PPM1L: variants seen among roughly 807,000 people sequenced by gnomAD.
PPM1L encodes protein phosphatase 1L.
Under a neutral mutation model 31.4 loss-of-function variants are expected in PPM1L, and 13 were observed. That is an observed-to-expected ratio of 0.41 (90% CI 0.27 to 0.66). The LOEUF (loss-of-function observed/expected upper bound fraction) is 0.66, where lower values mean the gene tolerates loss of function less well. Among genes scored for constraint, PPM1L ranks in the 30% least tolerant of loss-of-function variants. The pLI is 0.29. For synonymous variants in PPM1L, 184 were observed against 175.4 expected (o/e 1.05, Z -0.39); for missense variants, 326 against 453.7 (o/e 0.72, Z 2.56).
At chr3:160,872,698 G>T (rs1038146609) in intron 1 of PPM1L, among the ~76,000 whole-genome samples, 1 of 152,082 alleles carries the variant, frequency 6.6e-6, no homozygotes, top group Non-Finnish European at 1.5e-5. Flanking sequence ...AGGCTGAGGC[G>T]GGTGGATCAT....
At chr3:161,045,271 C>G (rs1162675658) in intron 2 of PPM1L, among the ~76,000 whole-genome samples, 2 of 152,206 alleles carry the variant, frequency 1.3e-5, no homozygotes, top group Admixed American at 1.3e-4. Flanking sequence ...ACCAATGGAC[C>G]TGATAGACAT....
chr3:160,913,812 T>C (rs1286843169), intron 1 of PPM1L, among the ~76,000 whole-genome samples: 1 of 152,162 alleles, frequency 6.6e-6, no homozygotes, highest in African/African-American at 2.4e-5. Flanking sequence ...TGATGGACAT[T>C]TGAGTTGTTT....
At chr3:160,862,795 G>A (rs1162015997) in intron 1 of PPM1L, among the ~76,000 whole-genome samples, 1 of 151,742 alleles carries the variant, frequency 6.6e-6, no homozygotes, top group Non-Finnish European at 1.5e-5. Flanking sequence ...TAGGAGAGTA[G>A]GGGGGAAAAA....
At position 160,860,097 on chromosome 3, in the gene PPM1L, A is replaced by G. The variant is rs141298133; in HGVS notation, c.400-101639A>G. Among the ~76,000 whole-genome samples, 88 of 152,348 alleles carry G rather than the reference A, an allele frequency of 5.8e-4. No homozygotes were observed. The East Asian group carries it at 0.012, about 21-fold the overall frequency. On this transcript the variant is annotated intron_variant, in intron 1 of 3. Transcript: ENST00000498165. Reference sequence around the variant, plus strand: ...TTAGTGAGTGTCATTGGTGATTTGTAGAAGAAGCAACAGACTGGGAAACAT... The same window carrying G: ...TTAGTGAGTGTCATTGGTGATTTGTGGAAGAAGCAACAGACTGGGAAACAT...
chr3:161,017,889 C>T (rs765588330), intron 2 of PPM1L, among the ~76,000 whole-genome samples: 9 of 152,004 alleles, frequency 5.9e-5, no homozygotes, highest in Non-Finnish European at 1.3e-4. Flanking sequence ...CTGCTTTACT[C>T]CAATGAAGTA....
At chr3:160,786,153 C>CTGTGTGTG (rs775015539) in intron 1 of PPM1L, among the ~76,000 whole-genome samples, 1,136 of 73,698 alleles carry the variant, frequency 0.015, 16 homozygotes, top group Non-Finnish European at 0.019. Context: ...CTCTCTCTCT[C>CTGTGTGTG]TCTCTGTGTG....
rs905344184 is a variant in PPM1L, at chr3:161,073,875, T to C, written c.*4718T>C. 1 of 152,226 alleles carries C rather than the reference T, an allele frequency of 6.6e-6. No homozygotes were observed. The highest frequency in any genetic ancestry group is 2.4e-5 in the African/African-American group (1 of 41,466). 9.4% of individuals were successfully genotyped at this position (152,226 alleles called of 1,614,324 possible). Reference sequence around the variant, plus strand: ...TGCACCCGGCCATCCCTTTCTTTTATATGAATAATGAGCAAGAGCCCTGCC... The same window carrying C: ...TGCACCCGGCCATCCCTTTCTTTTACATGAATAATGAGCAAGAGCCCTGCC... On this transcript the variant is annotated 3_prime_UTR_variant, in exon 4 of 4. Transcript: ENST00000498165.
chr3:160,808,109 T>C (rs1028681576), intron 1 of PPM1L, among the ~76,000 whole-genome samples: 2 of 152,244 alleles, frequency 1.3e-5, no homozygotes, highest in African/African-American at 4.8e-5. Flanking sequence ...TCACATTGCC[T>C]GTTTATCTTA....
intron 1 of PPM1L, among the ~76,000 whole-genome samples, chr3:160,936,752 G>C (rs1247082822): frequency 6.6e-6 from 1 of 152,172 alleles, no homozygotes; most frequent in African/African-American, 2.4e-5. Flanking sequence ...TTTTAGGAGA[G>C]TTTAATCCAT....
At chr3:161,013,417 A>G (rs562652185) in intron 2 of PPM1L, among the ~76,000 whole-genome samples, 2 of 152,150 alleles carry the variant, frequency 1.3e-5, no homozygotes, top group East Asian at 1.9e-4. Context: ...GTTCTTTTAC[A>G]TTTGCTGAGG....
In PPM1L at chr3:160,991,105, CA is replaced by C. The variant is rs368961094; in HGVS notation, c.574+29202del. Among the ~76,000 whole-genome samples the C allele has an allele frequency of 3.0e-3, 453 of 148,792 alleles. 3 individuals carry two copies. Among genetic ancestry groups the C allele is most frequent in the African/African-American group, 0.011 (440 of 40,590 alleles). The stretch of plus-strand genomic sequence containing the variant: ...AAAAAAAAAAAAAAGAAAAAAATCA[CA>C]AAAAAATCTCACAGTGTTTTAAGAA... On this transcript the variant is annotated intron_variant, in intron 2 of 3. Coordinates refer to ENST00000498165, the MANE Select transcript of PPM1L (RefSeq NM_139245.4).
intron 1 of PPM1L, among the ~76,000 whole-genome samples, chr3:160,913,491 C>T (rs1015285341): frequency 4.6e-5 from 7 of 152,120 alleles, no homozygotes; most frequent in African/African-American, 1.7e-4. Flanking sequence ...TGTATAAATA[C>T]CACCACTATC....
chr3:160,944,717 ATGT>A (rs1464175857), intron 1 of PPM1L, among the ~76,000 whole-genome samples: 1 of 126,070 alleles, frequency 7.9e-6, no homozygotes, highest in African/African-American at 2.7e-5. Context: ...TATAATATAT[ATGT>A]TATATATAAC....
intron 2 of PPM1L, among the ~76,000 whole-genome samples, chr3:161,041,254 GC>G (rs1409857586): frequency 6.6e-6 from 1 of 152,046 alleles, no homozygotes; most frequent in Non-Finnish European, 1.5e-5. Context: ...CACTGGCCCC[GC>G]CCTGGCTTTG....
At chr3:161,019,220 G>T (rs1718171736) in intron 2 of PPM1L, among the ~76,000 whole-genome samples, 1 of 152,314 alleles carries the variant, frequency 6.6e-6, no homozygotes, top group African/African-American at 2.4e-5. Context: ...TAGGAACAAG[G>T]TCTCATTCTG....
intron 1 of PPM1L, among the ~76,000 whole-genome samples, chr3:160,783,091 C>T (rs886426620): frequency 1.3e-5 from 2 of 152,154 alleles, no homozygotes; most frequent in Non-Finnish European, 2.9e-5. Flanking sequence ...AACTGTTTAT[C>T]ATCAAAGAAG....
chr3:160,786,629 G>T (rs1711941941), intron 1 of PPM1L, among the ~76,000 whole-genome samples: 1 of 149,840 alleles, frequency 6.7e-6, no homozygotes, highest in Non-Finnish European at 1.5e-5. Flanking sequence ...GGGGGTACCT[G>T]TATAGGTTTG....
intron 2 of PPM1L, among the ~76,000 whole-genome samples, chr3:161,060,437 A>G (rs138791395): frequency 3.3e-4 from 50 of 152,302 alleles, no homozygotes; most frequent in African/African-American, 1.0e-3. Context: ...TCTCACCTGG[A>G]CTACTGAAAT....
In PPM1L at chr3:160,842,143, G is replaced by A; in HGVS notation, c.399+85436G>A. ...AGGGTTTCAGAAGGAGAGAGATTTT[G>A]TGTGCGTGCATCCTGAAATAGTTGG... On this transcript the variant is annotated intron_variant, in intron 1 of 3. Coordinates refer to ENST00000498165, the MANE Select transcript of PPM1L (RefSeq NM_139245.4). 9.3e-6 allele frequency: 6 copies of A among 643,164 alleles called. No homozygotes were observed. The South Asian group carries it at 1.1e-4, about 11-fold the overall frequency. The allele number at this position is 643,164 out of a possible 1,614,324, so 39.8% of individuals were successfully genotyped here. A position where few individuals can be genotyped will look rare whatever the true frequency, so the allele number is the denominator to read the frequency against.
Sources: allele counts gnomAD v4.1 joint callset (sites outside exome capture counted in the v4.1 genomes callset), GRCh38; gene constraint gnomAD v4.1.1; transcripts MANE v1.5; gene names NCBI Gene and HGNC (gene_info 2026-07-23, HGNC 2026-07-21).